The following FILIP1 variants were observed in gnomAD, a reference collection of about 807,000 sequenced individuals.
FILIP1 encodes filamin-A-interacting protein 1.
A neutral mutation model predicts 102.1 loss-of-function variants in FILIP1; 61 were observed. That is an observed-to-expected ratio of 0.60 (90% CI 0.49 to 0.74). The LOEUF (loss-of-function observed/expected upper bound fraction) is 0.74. Ranked by LOEUF, FILIP1 falls within the 30% of genes least tolerant of loss-of-function variation. The pLI, the probability that FILIP1 is intolerant of heterozygous loss-of-function variation, is 0.00. For synonymous variants in FILIP1, 491 were observed against 526.9 expected (o/e 0.93, Z 0.93); for missense variants, 1,314 against 1,441.2 (o/e 0.91, Z 1.43).
chr6:75,346,044 T>A (rs1201113071), intron 4 of FILIP1, among the ~76,000 whole-genome samples: 1 of 152,208 alleles, frequency 6.6e-6, no homozygotes, highest in Non-Finnish European at 1.5e-5. Context: ...ACCATTTTTA[T>A]CTGTAGTAAA....
At chr6:75,440,728 T>C (rs1778183738) in intron 1 of FILIP1, among the ~76,000 whole-genome samples, 1 of 151,986 alleles carries the variant, frequency 6.6e-6, no homozygotes, top group African/African-American at 2.4e-5. Context: ...AGGCAGGCAA[T>C]CACCTGAGTT....
chr6:75,382,185 T>C (rs528125784), intron 2 of FILIP1, among the ~76,000 whole-genome samples: 1 of 152,316 alleles, frequency 6.6e-6, no homozygotes, highest in East Asian at 1.9e-4. Context: ...ATAGCTTCCT[T>C]AAAGATGCTG....
At chr6:75,343,738 C>T (rs1405585831) in intron 4 of FILIP1, among the ~76,000 whole-genome samples, 1 of 152,106 alleles carries the variant, frequency 6.6e-6, no homozygotes, top group Non-Finnish European at 1.5e-5. Context: ...GGGGACAGGC[C>T]ACAAGGAAAT....
At position 75,414,868 on chromosome 6, in the gene FILIP1, A is replaced by C. The variant is rs763781009; in HGVS notation, c.105T>G (p.Asp35Glu). ...GNAGEKSLSE[D>E]AKKKKKSNRK... is the part of the protein sequence containing the mutation. ...TATTTGATTTCTTCTTCTTTTTTGC[A>C]TCTTCTGAGAGACTTTTTTCACCAG... Residue 35 changes from aspartate (D) to glutamate (E), a missense_variant, in exon 2 of 6, where the codon GAT (aspartate) becomes GAG (glutamate). By Grantham distance (45) the Asp-to-Glu change is conservative. Transcript: ENST00000237172. 6.2e-7 allele frequency: 1 copy of C among 1,613,770 alleles called. No individual in the cohort carries two copies. The highest frequency in any genetic ancestry group is 1.1e-5 in the South Asian group (1 of 91,068).
In FILIP1 at chr6:75,312,441, T is replaced by G. The variant is rs764671310; in HGVS notation, c.3391A>C (p.Ile1131Leu). 1 of 1,614,010 alleles carries G rather than the reference T, an allele frequency of 6.2e-7. No homozygotes were observed. Among genetic ancestry groups the G allele is most frequent in the Non-Finnish European group, 8.5e-7 (1 of 1,180,042 alleles). ...GCAGATGACGTTGTGACCGGTGTTA[T>G]GGTGATAGTGCTCGTCACTTTGCTT... ...GASKVTSTIT[I>L]TPVTTSSARG... Residue 1131 changes from isoleucine to leucine, a missense_variant, in exon 5 of 6, where the codon ATA becomes CTA. Ile to Leu is a conservative substitution (Grantham distance 5, BLOSUM62 2). Coordinates refer to ENST00000237172, the MANE Select transcript of FILIP1 (RefSeq NM_015687.5).
chr6:75,443,990 G>A (rs1350952637), intron 1 of FILIP1, among the ~76,000 whole-genome samples: 1 of 152,132 alleles, frequency 6.6e-6, no homozygotes, highest in African/African-American at 2.4e-5. Flanking sequence ...GTCATGAATG[G>A]TGACAACTCA....
intron 2 of FILIP1, among the ~76,000 whole-genome samples, chr6:75,397,303 TA>T: frequency 6.6e-6 from 1 of 151,992 alleles, no homozygotes; most frequent in Admixed American, 6.6e-5. Flanking sequence ...AGATTACATA[TA>T]TGGCTCACAC....
Position 75,308,306 on chromosome 6 carries a change from T to C in FILIP1, c.*385A>G, listed in dbSNP as rs965074384. ...TAGGATTTTTTTAATAAAAAATTAT[T>C]GTGGAACAAGGTACATTAAATTTGG... On this transcript the variant is annotated 3_prime_UTR_variant, in exon 6 of 6. Transcript: ENST00000237172. The C allele has an allele frequency of 3.0e-6, 3 of 994,642 alleles. No individual in the cohort carries two copies. The highest frequency in any genetic ancestry group is 5.2e-4 in the Middle Eastern group (1 of 1,940). The allele number at this position is 994,642 out of a possible 1,614,324, so 61.6% of individuals were successfully genotyped here. A position where few individuals can be genotyped will look rare whatever the true frequency, so the allele number is the denominator to read the frequency against.
Position 75,314,397 on chromosome 6 carries a change from CT to C in FILIP1, c.1434del (p.Glu479AsnfsTer14). ...NELEVVKSRV[K>X]ELECSESRLE... ...AATCTACTTTCAGAACATTCCAATT[CT>C]TTAACTCGACTCTTGACCACCTCCA... On this transcript the variant is annotated frameshift_variant, in exon 5 of 6. Coordinates refer to ENST00000237172, the MANE Select transcript of FILIP1 (RefSeq NM_015687.5). LOFTEE classifies it high-confidence loss of function. 8 of 1,534,472 alleles carry C rather than the reference CT, an allele frequency of 5.2e-6. No homozygotes were observed. Among genetic ancestry groups the C allele is most frequent in the Non-Finnish European group, 7.0e-6 (8 of 1,149,262 alleles).
chr6:75,372,435 GA>G, intron 2 of FILIP1, among the ~76,000 whole-genome samples: 1 of 139,576 alleles, frequency 7.2e-6, no homozygotes, highest in African/African-American at 2.7e-5. Flanking sequence ...TGGCAAAAAA[GA>G]AAAAAAAATT....
chr6:75,472,850 A>C (rs930642738), intron 1 of FILIP1, among the ~76,000 whole-genome samples: 2 of 152,226 alleles, frequency 1.3e-5, no homozygotes, highest in Admixed American at 1.3e-4. Flanking sequence ...TATTAGTCAC[A>C]GAGACATAAT....
Position 75,335,535 on chromosome 6 carries a change from T to C in FILIP1, c.629+18004A>G, listed in dbSNP as rs1027236521. On this transcript the variant is annotated intron_variant, in intron 4 of 5. Transcript: ENST00000237172. ...CTCCCTCCTTCCCTTCATTCCTTTT[T>C]TCCTTCTCCCTGAGAGAGTGTATGA... Among the ~76,000 whole-genome samples, 4 of 152,190 alleles carry C rather than the reference T, an allele frequency of 2.6e-5. No homozygotes were observed. In the East Asian group the frequency reaches 7.7e-4, roughly 29 times the overall value.
chr6:75,426,451 T>A (rs1462650878), intron 1 of FILIP1, among the ~76,000 whole-genome samples: 1 of 152,170 alleles, frequency 6.6e-6, no homozygotes, highest in Non-Finnish European at 1.5e-5. Context: ...TCTAGCCATA[T>A]GTGACTGTAG....
intron 2 of FILIP1, among the ~76,000 whole-genome samples, chr6:75,408,424 T>G (rs1288133057): frequency 6.6e-6 from 1 of 152,234 alleles, no homozygotes; most frequent in Non-Finnish European, 1.5e-5. Context: ...CTTCAGGAGT[T>G]CACGGGATAC....
Position 75,341,817 on chromosome 6 carries a change from A to G in FILIP1, c.629+11722T>C, listed in dbSNP as rs1774429299. On this transcript the variant is annotated intron_variant, in intron 4 of 5. Transcript: ENST00000237172. Reference sequence around the variant, plus strand: ...CTACCCTCAAACAATAGAAGAGTTTACTTTTCCTACACGTTGCATTGTTCT... The same window carrying G: ...CTACCCTCAAACAATAGAAGAGTTTGCTTTTCCTACACGTTGCATTGTTCT... 2.0e-5 allele frequency among the ~76,000 whole-genome samples: 3 copies of G among 152,192 alleles called. No homozygotes were observed. In the South Asian group the frequency reaches 6.2e-4, roughly 31 times the overall value.
intron 1 of FILIP1, among the ~76,000 whole-genome samples, chr6:75,458,008 G>T (rs1778901603): frequency 6.6e-6 from 1 of 152,110 alleles, no homozygotes; most frequent in Non-Finnish European, 1.5e-5. Context: ...ACCAGATTTA[G>T]CAAATTAATA....
intron 4 of FILIP1, among the ~76,000 whole-genome samples, chr6:75,348,667 G>A (rs1296489169): frequency 2.6e-5 from 4 of 152,288 alleles, no homozygotes; most frequent in Non-Finnish European, 4.4e-5. Flanking sequence ...GTGGCAAAAC[G>A]AGGGAGTTAA....
intron 1 of FILIP1, among the ~76,000 whole-genome samples, chr6:75,438,759 A>G (rs1469170346): frequency 1.3e-5 from 2 of 152,214 alleles, no homozygotes; most frequent in African/African-American, 4.8e-5. Flanking sequence ...TGATATCTCA[A>G]AAGTTCTCAG....
rs764697457 is a variant in FILIP1 at position 75,353,729 on chromosome 6, A to G, written c.451-12T>C. ...TCAAGTCTGTCCAGCTGAATAAGCA[A>G]ACATGGGAAAGGGCTTAATATTTTA... On this transcript the variant is annotated splice_polypyrimidine_tract_variant and intron_variant, in intron 3 of 5. Coordinates refer to ENST00000237172, the MANE Select transcript of FILIP1 (RefSeq NM_015687.5). 5 of 1,611,540 alleles carry G rather than the reference A, an allele frequency of 3.1e-6. No individual in the cohort carries two copies. In the East Asian group the frequency reaches 1.1e-4, roughly 36 times the overall value.
Sources: gnomAD v4.1 joint callset for allele counts (sites outside exome capture counted in the v4.1 genomes callset) on GRCh38, gnomAD v4.1.1 for gene constraint, MANE v1.5 for transcripts, NCBI Gene and HGNC (gene_info 2026-07-23, HGNC 2026-07-21) for gene names.